GIGYF2: variants seen among roughly 807,000 people sequenced by gnomAD.
GIGYF2 encodes the protein GRB10-interacting GYF protein 2.
Under a neutral mutation model 208.1 loss-of-function variants are expected in GIGYF2, and 25 were observed. That is an observed-to-expected ratio of 0.12 (90% CI 0.09 to 0.17). The LOEUF (loss-of-function observed/expected upper bound fraction) is 0.17, where lower values mean the gene tolerates loss of function less well. Ranked by LOEUF, GIGYF2 falls within the 10% of genes least tolerant of loss-of-function variation. The pLI is 1.00. For synonymous variants in GIGYF2, 534 were observed against 543.8 expected (o/e 0.98, Z 0.25); for missense variants, 1,302 against 1,579.4 (o/e 0.82, Z 2.98).
chr2:232,752,648 C>G (rs545940736), intron 5 of GIGYF2, among the ~76,000 whole-genome samples: 1 of 152,136 alleles, frequency 6.6e-6, no homozygotes, highest in African/African-American at 2.4e-5. Context: ...TCACGCCATT[C>G]TCCTGCCTCA....
chr2:232,757,025 C>T (rs1032300335), intron 6 of GIGYF2, among the ~76,000 whole-genome samples: 1 of 152,050 alleles, frequency 6.6e-6, no homozygotes, highest in African/African-American at 2.4e-5. Flanking sequence ...TCTAAATACA[C>T]CTTGTGATTT....
At chr2:232,705,239 A>G (rs1054408439) in intron 2 of GIGYF2, among the ~76,000 whole-genome samples, 1 of 152,162 alleles carries the variant, frequency 6.6e-6, no homozygotes, top group African/African-American at 2.4e-5. Context: ...CCAACTTCAT[A>G]GACTCTATTC....
At chr2:232,811,732 T>A (rs376306068) in intron 17 of GIGYF2, among the ~76,000 whole-genome samples, 87 of 152,184 alleles carry the variant, frequency 5.7e-4, no homozygotes, top group African/African-American at 2.0e-3. Flanking sequence ...TCAGAAGCCA[T>A]TAAGGTAGGT....
intron 21 of GIGYF2, among the ~76,000 whole-genome samples, chr2:232,827,639 T>C (rs899753211): frequency 3.3e-5 from 5 of 152,222 alleles, no homozygotes; most frequent in African/African-American, 1.2e-4. Context: ...TTTGAAGGAT[T>C]GAACAAAGAA....
intron 22 of GIGYF2, among the ~76,000 whole-genome samples, chr2:232,838,148 TAA>T (rs966863695): frequency 6.6e-6 from 1 of 152,170 alleles, no homozygotes; most frequent in Non-Finnish European, 1.5e-5. Context: ...TCAGCAGACA[TAA>T]GTCTATATAA....
chr2:232,725,641 T>C (rs1697162841), intron 2 of GIGYF2, among the ~76,000 whole-genome samples: 1 of 152,264 alleles, frequency 6.6e-6, no homozygotes, highest in African/African-American at 2.4e-5. Flanking sequence ...TTCAGTGTTA[T>C]GCTTCTCATT....
intron 20 of GIGYF2, among the ~76,000 whole-genome samples, chr2:232,819,038 C>G (rs1034097540): frequency 6.7e-6 from 1 of 149,390 alleles, no homozygotes; most frequent in African/African-American, 2.5e-5. Context: ...GCTCATTTTT[C>G]CATTGGGGTT....
chr2:232,796,172 T>A lies in GIGYF2; in HGVS notation c.1590T>A (p.His530Gln). ...RAKGVSIPLMHEAMQKWYYKD... is the reference protein window; with the variant it reads ...RAKGVSIPLMQEAMQKWYYKD... ...AAGGAGTGTCGATTCCATTGATGCA[T>A]GAAGCAATGCAGAAGTGGTATTACA... Residue 530 changes from histidine (H) to glutamine (Q), a missense_variant, in exon 14 of 29, where the codon CAT (histidine) becomes CAA (glutamine). His to Gln is a conservative substitution (Grantham distance 24). Around this residue, in one of 8 missense-constraint regions of GIGYF2, gnomAD observed 69 missense variants for 132.8 expected, o/e 0.52. Coordinates refer to ENST00000373563, the MANE Select transcript of GIGYF2 (RefSeq NM_001103146.3). The A allele has an allele frequency of 6.2e-7, 1 of 1,605,780 alleles. No individual in the cohort carries two copies. The highest frequency in any genetic ancestry group is 8.5e-7 in the Non-Finnish European group (1 of 1,172,402).
In GIGYF2 at chr2:232,847,505, GCAGCAGCTGCCA is replaced by G. The variant is rs1480020527; in HGVS notation, c.3626_3637del (p.Leu1209_Gln1212del). ...AGAAAGCCAACCAGCAGCGTCAGCAGCAGCAGCTGCCACAGCAGCAGCAGCAGCAGCCGCCAC... is the reference window on the plus strand; with the variant it reads ...AGAAAGCCAACCAGCAGCGTCAGCAGCAGCAGCAGCAGCAGCAGCCGCCAC... On this transcript the variant is annotated inframe_deletion, in exon 27 of 29. Coordinates refer to ENST00000373563, the MANE Select transcript of GIGYF2 (RefSeq NM_001103146.3). The G allele has an allele frequency of 2.9e-6, 4 of 1,387,380 alleles. No individual in the cohort carries two copies. Among genetic ancestry groups the G allele is most frequent in the Admixed American group, 2.0e-5 (1 of 49,748 alleles). 85.9% of individuals were successfully genotyped at this position (1,387,380 alleles called of 1,614,324 possible).
intron 3 of GIGYF2, 68 bp downstream of exon 3, chr2:232,735,306 T>A: frequency 9.0e-7 from 1 of 1,108,330 alleles, no homozygotes; most frequent in East Asian, 2.4e-5. Flanking sequence ...ATTTGACAGG[T>A]GCTAGGTGGT....
chr2:232,789,338 G>A (rs1025729584), intron 9 of GIGYF2, among the ~76,000 whole-genome samples: 1 of 152,148 alleles, frequency 6.6e-6, no homozygotes, highest in African/African-American at 2.4e-5. Context: ...GGAGAAACAT[G>A]AGCCAGGTAC....
intron 14 of GIGYF2, among the ~76,000 whole-genome samples, chr2:232,798,569 A>G (rs573642660): frequency 6.6e-6 from 1 of 152,246 alleles, no homozygotes; most frequent in South Asian, 2.1e-4. Context: ...CCTTATCAGC[A>G]TTTGATGTTT....
At chr2:232,719,068 C>T (rs934813481) in intron 2 of GIGYF2, 5 of 152,050 alleles carry the variant, frequency 3.3e-5, no homozygotes, top group African/African-American at 7.3e-5. Flanking sequence ...TCTCGGCTCA[C>T]TGCAAACTCT....
In GIGYF2 at chr2:232,860,464, TTA is replaced by T. The variant is rs995079184; in HGVS notation, c.*3609_*3610del. On this transcript the variant is annotated 3_prime_UTR_variant, in exon 29 of 29. Transcript: ENST00000373563. ...TATATATATAATATATACATATATG[TTA>T]TATACGTATATATATTGCACCCTAC... 1 of 150,020 alleles carries T rather than the reference TTA, an allele frequency of 6.7e-6. No homozygotes were observed. Among genetic ancestry groups the T allele is most frequent in the African/African-American group, 2.4e-5 (1 of 41,054 alleles). The allele number at this position is 150,020 out of a possible 1,614,324, so 9.3% of individuals were successfully genotyped here. A position where few individuals can be genotyped will look rare whatever the true frequency, so the allele number is the denominator to read the frequency against.
rs770953286 is a variant in GIGYF2, at chr2:232,749,007, T to G, written c.192T>G (p.Asp64Glu). ...KDNKIPSDLL[D>E]KEFLPILQEE... ...TACAGATACCTTCAGACCTTCTGGA[T>G]AAAGAATTTCTGCCTATCCTCCAGG... Residue 64 changes from aspartate (D) to glutamate (E), a missense_variant, in exon 5 of 29, where the codon GAT becomes GAG. Transcript: ENST00000373563. 2 of 1,588,752 alleles carry G rather than the reference T, an allele frequency of 1.3e-6. No homozygotes were observed. The highest frequency in any genetic ancestry group is 1.7e-6 in the Non-Finnish European group (2 of 1,156,806).
intron 22 of GIGYF2, among the ~76,000 whole-genome samples, chr2:232,839,430 T>C (rs1701750898): frequency 6.6e-6 from 1 of 152,242 alleles, no homozygotes. Context: ...AGAAATCGTG[T>C]CCTTAACACT....
At chr2:232,769,966 C>G (rs1457821928) in intron 8 of GIGYF2, among the ~76,000 whole-genome samples, 1 of 152,128 alleles carries the variant, frequency 6.6e-6, no homozygotes, top group Non-Finnish European at 1.5e-5. Context: ...GCTACTAATA[C>G]TGCTGGTGGT....
intron 8 of GIGYF2, chr2:232,768,445 C>T: frequency 6.2e-7 from 1 of 1,614,124 alleles, no homozygotes; most frequent in South Asian, 1.1e-5. Context: ...TCTCCAGTGC[C>T]CTCCTGCATT....
At chr2:232,834,307 T>TG (rs1489447085) in intron 22 of GIGYF2, among the ~76,000 whole-genome samples, 3 of 152,122 alleles carry the variant, frequency 2.0e-5, no homozygotes, top group Non-Finnish European at 4.4e-5. Flanking sequence ...TTCCGTCACT[T>TG]GGGAACTTGT....
Sources: gnomAD v4.1 joint callset for allele counts (sites outside exome capture counted in the v4.1 genomes callset) on GRCh38, gnomAD v4.1.1 for gene constraint, gnomAD v4.1.1 regional missense constraint, MANE v1.5 for transcripts, NCBI Gene and HGNC (gene_info 2026-07-23, HGNC 2026-07-21) for gene names.